The following TFRC variants were observed in gnomAD, a reference collection of about 807,000 sequenced individuals.
TFRC encodes the protein transferrin receptor.
A neutral mutation model predicts 85.8 loss-of-function variants in TFRC; 35 were observed. That is an observed-to-expected ratio of 0.41 (90% CI 0.31 to 0.54). The LOEUF (loss-of-function observed/expected upper bound fraction) is 0.54, where lower values mean the gene tolerates loss of function less well. Ranked by LOEUF, TFRC falls within the 20% of genes least tolerant of loss-of-function variation. The probability of loss-of-function intolerance (pLI) is 0.31; values close to 1 mark genes in which losing one functional copy is unlikely to be tolerated. For missense variants in TFRC, 828 were observed against 921.5 expected (o/e 0.90, Z 1.31); for synonymous variants, 362 against 328.6 (o/e 1.10, Z -1.10).
rs149582314 is a variant in TFRC at position 196,075,479 on chromosome 3, T to C, written c.37-119A>G. ...AACTTGCTATATATTCCTTAGGGTG[T>C]TCTCCTTTCAAACCAACATTCTTCC... is the stretch of plus-strand genomic sequence containing the variant. On this transcript the variant is annotated intron_variant, in intron 2 of 18. Transcript: ENST00000360110. 4.2e-6 allele frequency: 4 copies of C among 962,418 alleles called. No individual in the cohort carries two copies. In the East Asian group the frequency reaches 7.6e-5, roughly 18 times the overall value. 59.6% of individuals were successfully genotyped at this position (962,418 alleles called of 1,614,324 possible).
In TFRC at chr3:196,069,437, A is replaced by T; in HGVS notation, c.801+18T>A. ...TACCAAAAGTACTGTATTTAATATTATAATAACTCATACTCACCTTTTCTG... is the reference window on the plus strand; with the variant it reads ...TACCAAAAGTACTGTATTTAATATTTTAATAACTCATACTCACCTTTTCTG... On this transcript the variant is annotated intron_variant, in intron 7 of 18. Transcript: ENST00000360110. 3 of 1,421,358 alleles carry T rather than the reference A, an allele frequency of 2.1e-6. 1 individual carries two copies. The South Asian group carries it at 3.5e-5, about 17-fold the overall frequency. 88.0% of individuals were successfully genotyped at this position (1,421,358 alleles called of 1,614,324 possible).
chr3:196,077,932 C>T (rs1718848110), intron 1 of TFRC, among the ~76,000 whole-genome samples: 1 of 152,108 alleles, frequency 6.6e-6, no homozygotes, highest in African/African-American at 2.4e-5. Context: ...ACATGAAACA[C>T]AGATTACGCT....
At chr3:196,073,710 ATTT>A (rs1718420370) in intron 4 of TFRC, among the ~76,000 whole-genome samples, 1 of 152,144 alleles carries the variant, frequency 6.6e-6, no homozygotes, top group African/African-American at 2.4e-5. Context: ...GGGCCTATTA[ATTT>A]TTTAAGAAAA....
chr3:196,071,479 T>C lies in TFRC; in HGVS notation c.604A>G (p.Ile202Val), dbSNP rs765849992. Residue 202 changes from isoleucine (I) to valine (V), a missense_variant, in exon 6 of 19, where the codon ATA becomes GTA. Physicochemically the swap from Ile to Val is conservative, Grantham distance 29 (BLOSUM62 3). Transcript: ENST00000360110. ...ACAAGTCTACCGTTCTTATCAACTA[T>C]GATCACCGAGTTTTGAGCGCTGTTA... ...VKDSAQNSVI[I>V]VDKNGRLVYL... is the part of the protein sequence containing the mutation. The C allele has an allele frequency of 2.5e-6, 4 of 1,614,100 alleles. No homozygotes were observed. Among genetic ancestry groups the C allele is most frequent in the Middle Eastern group, 1.6e-4 (1 of 6,062 alleles).
At chr3:196,064,616 G>A (rs769954947) in intron 10 of TFRC, among the ~76,000 whole-genome samples, 188 bp from the exon 11 acceptor site, 3 of 152,206 alleles carry the variant, frequency 2.0e-5, no homozygotes, top group Non-Finnish European at 4.4e-5. Context: ...TACCTTACTA[G>A]TAGAGCTACT....
intron 11 of TFRC, chr3:196,063,216 A>C: frequency 7.0e-6 from 2 of 284,230 alleles, no homozygotes; most frequent in South Asian, 1.0e-4. Context: ...AGCAGGGGCC[A>C]GTAGTCACCC....
At chr3:196,073,280 C>A (rs1718380945) in intron 4 of TFRC, among the ~76,000 whole-genome samples, 1 of 146,458 alleles carries the variant, frequency 6.8e-6, no homozygotes, top group South Asian at 2.2e-4. Context: ...CATGGTGAGA[C>A]TCCATCTCTT....
chr3:196,059,473 C>A (rs1717089343), intron 14 of TFRC, among the ~76,000 whole-genome samples: 1 of 152,220 alleles, frequency 6.6e-6, no homozygotes, highest in Admixed American at 6.5e-5. Flanking sequence ...TTCATGATCA[C>A]CTTGCTTGAG....
chr3:196,050,661 C>G lies in TFRC; in HGVS notation c.*1281G>C, dbSNP rs1716239768. The stretch of plus-strand genomic sequence containing the variant: ...TGCAAAATGGGAATTAGAGTTACAC[C>G]TTGGATAAACTGAGCTATAAAATTT... On this transcript the variant is annotated 3_prime_UTR_variant, in exon 19 of 19. Coordinates refer to ENST00000360110, the MANE Select transcript of TFRC (RefSeq NM_001128148.3). 4.9e-6 allele frequency: 1 copy of G among 204,096 alleles called. No individual in the cohort carries two copies. Among genetic ancestry groups the G allele is most frequent in the Admixed American group, 6.0e-5 (1 of 16,710 alleles). The allele number at this position is 204,096 out of a possible 1,614,324, so 12.6% of individuals were successfully genotyped here. A position where few individuals can be genotyped will look rare whatever the true frequency, so the allele number is the denominator to read the frequency against.
In TFRC at chr3:196,057,807, AAAAC is replaced by A. The variant is rs562677096; in HGVS notation, c.1677+473_1677+476del. 3.6e-3 allele frequency among the ~76,000 whole-genome samples: 552 copies of A among 151,674 alleles called. 2 individuals carry two copies. The highest frequency in any genetic ancestry group is 0.012 in the African/African-American group (503 of 41,220). ...AAAAAAAAAAAAAAAAACAAAACAA[AAAAC>A]AAACAAAAAAAACCCAACAACTAAG... is the stretch of plus-strand genomic sequence containing the variant. On this transcript the variant is annotated intron_variant, in intron 16 of 18. Transcript: ENST00000360110.
intron 4 of TFRC, 67 bp downstream of exon 4, chr3:196,073,862 GT>G: frequency 6.7e-7 from 1 of 1,481,712 alleles, no homozygotes; most frequent in Non-Finnish European, 9.1e-7. Context: ...CACCATTATT[GT>G]TTCCCCGTGG....
chr3:196,062,705 C>T (rs886386305), intron 12 of TFRC, 60 bp from the exon 13 acceptor site: 5 of 1,558,434 alleles, frequency 3.2e-6, no homozygotes, highest in African/African-American at 2.7e-5. Context: ...CATACAGTAG[C>T]ATTAGGGATT....
intron 3 of TFRC, 171 bp from the exon 4 acceptor site, chr3:196,074,296 A>T (rs1718472443): frequency 3.9e-6 from 2 of 519,052 alleles, no homozygotes; most frequent in South Asian, 7.1e-5. Context: ...CACTTAATAA[A>T]TTATATACTA....
intron 1 of TFRC, among the ~76,000 whole-genome samples, chr3:196,077,939 C>T (rs951408966): frequency 6.6e-6 from 1 of 152,106 alleles, no homozygotes; most frequent in African/African-American, 2.4e-5. Context: ...ACACAGATTA[C>T]GCTGTTTTAC....
rs759846792 is a variant in TFRC, at chr3:196,071,364, AAG to A, written c.687+30_687+31del. On this transcript the variant is annotated intron_variant, in intron 6 of 18. Transcript: ENST00000360110. Reference sequence around the variant, plus strand: ...ATGAGTTTTGAATGATTCAATAGGGAAGAGTCTCATGCACTGTTTTGCTTTAC... The same window carrying A: ...ATGAGTTTTGAATGATTCAATAGGGAAGTCTCATGCACTGTTTTGCTTTAC... 3.2e-6 allele frequency: 5 copies of A among 1,538,572 alleles called. No individual in the cohort carries two copies. In the South Asian group the frequency reaches 5.6e-5, roughly 17 times the overall value.
rs1329495355 is a variant in TFRC at position 196,050,905 on chromosome 3, A to G, written c.*1037T>C. The G allele has an allele frequency of 5.0e-6, 1 of 201,902 alleles. No individual in the cohort carries two copies. Among genetic ancestry groups the G allele is most frequent in the Non-Finnish European group, 1.0e-5 (1 of 97,848 alleles). The allele number at this position is 201,902 out of a possible 1,614,324, so 12.5% of individuals were successfully genotyped here. A position where few individuals can be genotyped will look rare whatever the true frequency, so the allele number is the denominator to read the frequency against. ...CCTTAAGTGTTGACCATAAATGCAA[A>G]ACTTCCAGTATCTGTTGGGTTTTAT... On this transcript the variant is annotated 3_prime_UTR_variant, in exon 19 of 19. Coordinates refer to ENST00000360110, the MANE Select transcript of TFRC (RefSeq NM_001128148.3).
At chr3:196,054,548 T>C (rs535847062) in intron 17 of TFRC, among the ~76,000 whole-genome samples, 2 of 152,374 alleles carry the variant, frequency 1.3e-5, no homozygotes, top group South Asian at 2.1e-4. Flanking sequence ...ATTAGTTTTA[T>C]TAATTTATTT....
rs761367812 is a variant in TFRC at position 196,069,501 on chromosome 3, C to T, written c.755G>A (p.Gly252Glu). The change falls in exon 7 of 19, where the codon GGA becomes GAA. Residue 252 changes from glycine to glutamate, a missense_variant. Transcript: ENST00000360110. ...CCCTGCTCTGACAATCACTATAGATCCATTCACAGGAGTGTATAAATCCTC... is the reference window on the plus strand; with the variant it reads ...CCCTGCTCTGACAATCACTATAGATTCATTCACAGGAGTGTATAAATCCTC... ...DFEDLYTPVN[G>E]SIVIVRAGKI... The T allele has an allele frequency of 6.2e-7, 1 of 1,613,610 alleles. No individual in the cohort carries two copies. The highest frequency in any genetic ancestry group is 2.2e-5 in the East Asian group (1 of 44,810).
At chr3:196,078,898 C>T (rs1053691286) in intron 1 of TFRC, among the ~76,000 whole-genome samples, 9 of 151,568 alleles carry the variant, frequency 5.9e-5, no homozygotes, top group Non-Finnish European at 1.0e-4. Context: ...CCTCAGACTC[C>T]GAGTAGCTGG....
Sources: gnomAD v4.1 joint callset for allele counts (sites outside exome capture counted in the v4.1 genomes callset) on GRCh38, gnomAD v4.1.1 for gene constraint, MANE v1.5 for transcripts, NCBI Gene and HGNC (gene_info 2026-07-23, HGNC 2026-07-21) for gene names.